TLE1: variants seen among roughly 807,000 people sequenced by gnomAD.
The protein encoded by TLE1 is TLE family member 1, transcriptional corepressor.
Under a neutral mutation model 89.8 loss-of-function variants are expected in TLE1, and 21 were observed. That is an observed-to-expected ratio of 0.23 (90% CI 0.17 to 0.34). The LOEUF (loss-of-function observed/expected upper bound fraction) is 0.34. Ranked by LOEUF, TLE1 falls within the 10% of genes least tolerant of loss-of-function variation. The probability of loss-of-function intolerance (pLI) is 1.00; values close to 1 mark genes in which losing one functional copy is unlikely to be tolerated. For synonymous variants in TLE1, 447 were observed against 407.6 expected (o/e 1.10, Z -1.16); for missense variants, 795 against 1,031.2 (o/e 0.77, Z 3.14).
intron 16 of TLE1, among the ~76,000 whole-genome samples, chr9:81,589,329 T>C (rs2796464): frequency 0.17 from 26,198 of 152,228 alleles, 2,886 homozygotes; most frequent in Middle Eastern, 0.31. Context: ...TCCGTCCATA[T>C]ACTATACTCC....
chr9:81,686,477 C>T (rs1834294847), intron 2 of TLE1, among the ~76,000 whole-genome samples: 2 of 152,174 alleles, frequency 1.3e-5, no homozygotes, highest in Non-Finnish European at 2.9e-5. Context: ...GAGATATTAT[C>T]TACAAGTAGA....
chr9:81,630,184 T>G (rs1158335976), intron 8 of TLE1, among the ~76,000 whole-genome samples: 1 of 151,308 alleles, frequency 6.6e-6, no homozygotes, highest in Non-Finnish European at 1.5e-5. Context: ...CCAAAGGTTC[T>G]CAGACTTTGG....
At chr9:81,672,556 GAAGA>G (rs929128106) in intron 4 of TLE1, among the ~76,000 whole-genome samples, 14 of 151,374 alleles carry the variant, frequency 9.2e-5, no homozygotes, top group African/African-American at 2.7e-4. Flanking sequence ...TGGAGTAGAC[GAAGA>G]AAGACAGCAC....
At chr9:81,673,442 A>C (rs552076205) in intron 4 of TLE1, among the ~76,000 whole-genome samples, 1 of 152,204 alleles carries the variant, frequency 6.6e-6, no homozygotes, top group African/African-American at 2.4e-5. Context: ...ACAAAACGGA[A>C]GTATCAGTGA....
chr9:81,611,625 G>C (rs944593), intron 13 of TLE1, 144 bp downstream of exon 13: 385,993 of 716,904 alleles, frequency 0.54, 107,579 homozygotes, highest in East Asian at 0.91. Flanking sequence ...GTGGCTGGGA[G>C]ACTGGGCGTC....
chr9:81,687,184 A>T, intron 2 of TLE1, 150 bp downstream of exon 2: 3 of 597,720 alleles, frequency 5.0e-6, no homozygotes, highest in Non-Finnish European at 8.8e-6. Context: ...GAACCAGGAA[A>T]GGGGGTAACT....
rs1476630150 is a variant in TLE1 at position 81,633,830 on chromosome 9, G to C, written c.577+267C>G. Reference sequence around the variant, plus strand: ...AGCAGTTAACAGTTTTCCATAATATGGTACAGGCCACTGGCATTAACTAGG... The same window carrying C: ...AGCAGTTAACAGTTTTCCATAATATCGTACAGGCCACTGGCATTAACTAGG... On this transcript the variant is annotated intron_variant, in intron 7 of 19. Coordinates refer to ENST00000376499, the MANE Select transcript of TLE1 (RefSeq NM_005077.5). 1.1e-5 allele frequency: 5 copies of C among 472,072 alleles called. No individual in the cohort carries two copies. The South Asian group carries it at 2.6e-4, about 25-fold the overall frequency. 29.2% of individuals were successfully genotyped at this position (472,072 alleles called of 1,614,324 possible).
intron 12 of TLE1, 122 bp from the exon 13 acceptor site, chr9:81,612,081 A>C: frequency 1.3e-6 from 1 of 789,544 alleles, no homozygotes; most frequent in Non-Finnish European, 1.8e-6. Context: ...TAAGGCTTCT[A>C]GGGGAGGGGG....
chr9:81,599,825 T>C, intron 14 of TLE1: 1 of 360,272 alleles, frequency 2.8e-6, no homozygotes, highest in East Asian at 4.0e-5. Context: ...AACAACTAAC[T>C]TGAAAGTAGC....
chr9:81,650,432 T>A (rs1244989164), intron 6 of TLE1, among the ~76,000 whole-genome samples: 1 of 152,234 alleles, frequency 6.6e-6, no homozygotes, highest in Non-Finnish European at 1.5e-5. Context: ...CTGCTTTGCA[T>A]ATGTTTTCTT....
At chr9:81,609,838 G>A (rs1054126009) in intron 14 of TLE1, among the ~76,000 whole-genome samples, 6 of 152,184 alleles carry the variant, frequency 3.9e-5, no homozygotes, top group Non-Finnish European at 4.4e-5. Context: ...GCAAGAGTTC[G>A]TGACAGCTGA....
In TLE1 at chr9:81,585,566, A is replaced by G. The variant is rs761998220; in HGVS notation, c.2067T>C (p.Pro689=). 1 of 1,614,190 alleles carries G rather than the reference A, an allele frequency of 6.2e-7. No individual in the cohort carries two copies. The highest frequency in any genetic ancestry group is 1.1e-5 in the South Asian group (1 of 91,076). ...CATGCAGGTGCAGCTGGTACTTGTC[A>G]GGCTTGTTCACGTGCAGCACCTCCA... ...SNVEVLHVNK[P]DKYQLHLHES... Residue 689 remains proline, a synonymous_variant, in exon 18 of 20, where the codon CCT becomes CCC. Transcript: ENST00000376499.
intron 8 of TLE1, among the ~76,000 whole-genome samples, chr9:81,632,348 C>G (rs1017291878): frequency 3.3e-5 from 5 of 152,072 alleles, no homozygotes; most frequent in Non-Finnish European, 7.4e-5. Flanking sequence ...ATACCAAGAT[C>G]TGTCTCAAAG....
At chr9:81,606,640 G>A (rs192466266) in intron 14 of TLE1, among the ~76,000 whole-genome samples, 2 of 152,186 alleles carry the variant, frequency 1.3e-5, no homozygotes, top group African/African-American at 4.8e-5. Flanking sequence ...GTGGGGGACT[G>A]GGGGAGGGAT....
intron 9 of TLE1, among the ~76,000 whole-genome samples, chr9:81,617,578 T>A (rs1824705539): frequency 1.3e-5 from 2 of 152,118 alleles, no homozygotes; most frequent in South Asian, 4.1e-4. Flanking sequence ...GGCGCATGCC[T>A]GCAGTCACAG....
intron 11 of TLE1, among the ~76,000 whole-genome samples, chr9:81,614,351 A>T (rs1824134159): frequency 6.6e-6 from 1 of 152,220 alleles, no homozygotes. Flanking sequence ...TTTGGAGTTA[A>T]GAGTCACTGC....
chr9:81,648,330 G>C (rs1354228601), intron 6 of TLE1, among the ~76,000 whole-genome samples: 7 of 138,402 alleles, frequency 5.1e-5, no homozygotes, highest in Non-Finnish European at 1.1e-4. Flanking sequence ...AAGAAAGAAA[G>C]AAAAAAAAAA....
intron 18 of TLE1, among the ~76,000 whole-genome samples, chr9:81,584,965 CCCATCCAT>C (rs58907018): frequency 2.8e-4 from 42 of 149,486 alleles, no homozygotes; most frequent in Admixed American, 1.2e-3. Context: ...CACTCATCCA[CCCATCCAT>C]CCATCCATCC....
At chr9:81,678,268 G>A (rs962825515) in intron 4 of TLE1, among the ~76,000 whole-genome samples, 2 of 152,128 alleles carry the variant, frequency 1.3e-5, no homozygotes, top group African/African-American at 4.8e-5. Flanking sequence ...GAGTACAGAG[G>A]TGTGATCACA....
Sources: allele counts gnomAD v4.1 joint callset (sites outside exome capture counted in the v4.1 genomes callset), GRCh38; gene constraint gnomAD v4.1.1; transcripts MANE v1.5; gene names NCBI Gene and HGNC (gene_info 2026-07-23, HGNC 2026-07-21).